The following SLC8A1 variants were observed in gnomAD, a reference collection of about 807,000 sequenced individuals.
The protein encoded by SLC8A1 is sodium/calcium exchanger 1.
Under a neutral mutation model 68.3 loss-of-function variants are expected in SLC8A1, and 18 were observed. The ratio of observed to expected loss-of-function variants is 0.26; its 90% CI spans 0.18 to 0.39. SLC8A1 has a LOEUF of 0.39. Among genes scored for constraint, SLC8A1 ranks in the 10% least tolerant of loss-of-function variants. The probability of loss-of-function intolerance (pLI) is 1.00; values close to 1 mark genes in which losing one functional copy is unlikely to be tolerated. For synonymous variants in SLC8A1, 475 were observed against 415.5 expected (o/e 1.14, Z -1.74); for missense variants, 985 against 1,156.7 (o/e 0.85, Z 2.15).
Position 40,359,967 on chromosome 2 carries a change from G to A in SLC8A1, c.1808+68506C>T, listed in dbSNP as rs7598447. Among the ~76,000 whole-genome samples the A allele has an allele frequency of 2.0e-4, 31 of 151,508 alleles. 1 individual carries two copies. The highest frequency in any genetic ancestry group is 5.8e-4 in the East Asian group (3 of 5,166). ...AAAAAACAGATACATAATGAGTAAC[G>A]GCTGTGCAAGAGTCTGTGGTAGGGC... is the stretch of plus-strand genomic sequence containing the variant. On this transcript the variant is annotated intron_variant, in intron 2 of 7. Coordinates refer to ENST00000406785, the Ensembl canonical transcript of SLC8A1.
At chr2:40,398,563 A>C (rs1259354779) in intron 2 of SLC8A1, among the ~76,000 whole-genome samples, 1 of 152,190 alleles carries the variant, frequency 6.6e-6, no homozygotes, top group Non-Finnish European at 1.5e-5. Flanking sequence ...ATTTTCAAAT[A>C]AATTTCCTAC....
intron 2 of SLC8A1, among the ~76,000 whole-genome samples, chr2:40,227,419 G>A (rs2059120741): frequency 6.6e-6 from 1 of 152,098 alleles, no homozygotes; most frequent in South Asian, 2.1e-4. Flanking sequence ...CCTTTGCAGG[G>A]ACACGGGATA....
chr2:40,326,075 G>A (rs866533904), intron 2 of SLC8A1, among the ~76,000 whole-genome samples: 10 of 152,072 alleles, frequency 6.6e-5, no homozygotes, highest in African/African-American at 2.2e-4. Context: ...CAGCAGCTGT[G>A]CAATCTGTAC....
chr2:40,371,253 T>C (rs1304479028), intron 2 of SLC8A1, among the ~76,000 whole-genome samples: 1 of 152,056 alleles, frequency 6.6e-6, no homozygotes, highest in Non-Finnish European at 1.5e-5. Context: ...GTTAAGATTT[T>C]GATAAAGTAG....
chr2:40,304,617 G>C (rs1244670610), intron 2 of SLC8A1, among the ~76,000 whole-genome samples: 2 of 152,032 alleles, frequency 1.3e-5, no homozygotes, highest in East Asian at 3.9e-4. Flanking sequence ...AGCGCGGTTT[G>C]GCATCCTCTT....
chr2:40,398,520 A>G (rs1010840818), intron 2 of SLC8A1, among the ~76,000 whole-genome samples: 25 of 152,236 alleles, frequency 1.6e-4, no homozygotes, highest in African/African-American at 5.5e-4. Flanking sequence ...AATAATATCC[A>G]CTATCATACC....
chr2:40,124,113 C>A (rs1449125698), intron 7 of SLC8A1, among the ~76,000 whole-genome samples: 1 of 152,194 alleles, frequency 6.6e-6, no homozygotes, highest in East Asian at 1.9e-4. Context: ...CTTGCTAGAG[C>A]TAGCTGAGAA....
intron 7 of SLC8A1, among the ~76,000 whole-genome samples, chr2:40,130,800 C>T (rs1211319436): frequency 6.6e-6 from 1 of 152,196 alleles, no homozygotes; most frequent in Non-Finnish European, 1.5e-5. Context: ...CCTCTTGACA[C>T]TGGCTATCTG....
chr2:40,115,027 G>A (rs1407851797), exon 8 of SLC8A1: 8 of 286,196 alleles, frequency 2.8e-5, no homozygotes, highest in Non-Finnish European at 5.1e-5. Flanking sequence ...CTTCTAGACT[G>A]AGCTGCAAAG....
At chr2:40,271,315 CAA>C (rs1339499179) in intron 2 of SLC8A1, among the ~76,000 whole-genome samples, 1 of 152,108 alleles carries the variant, frequency 6.6e-6, no homozygotes, top group Non-Finnish European at 1.5e-5. Context: ...TGCTGTTTCT[CAA>C]ACTCTCCAAA....
intron 2 of SLC8A1, among the ~76,000 whole-genome samples, chr2:40,421,350 A>T (rs79191056): frequency 6.6e-6 from 1 of 152,172 alleles, no homozygotes; most frequent in Admixed American, 6.5e-5. Context: ...CAGAGAGCTC[A>T]AATTTCCAAG....
intron 1 of SLC8A1, among the ~76,000 whole-genome samples, 177 bp downstream of exon 1, chr2:40,451,727 A>ACACAC (rs1010251446): frequency 2.1e-5 from 3 of 140,676 alleles, no homozygotes; most frequent in Non-Finnish European, 4.6e-5. Flanking sequence ...GCAGGCGCGC[A>ACACAC]CACACCACAT....
chr2:40,316,728 A>G (rs62150815), intron 2 of SLC8A1, among the ~76,000 whole-genome samples: 1,695 of 152,078 alleles, frequency 0.011, 16 homozygotes, highest in Non-Finnish European at 0.019. Context: ...CTTGATTTAT[A>G]TCAGGGCCCT....
intron 2 of SLC8A1, among the ~76,000 whole-genome samples, chr2:40,268,213 G>C (rs1476430729): frequency 6.6e-6 from 1 of 152,080 alleles, no homozygotes; most frequent in East Asian, 1.9e-4. Flanking sequence ...AGTGTCCTTT[G>C]AGTGTAGTAC....
In SLC8A1 at chr2:40,213,847, G is replaced by A. The variant is rs985146308; in HGVS notation, c.1809-35992C>T. ...ACACTGGGGATAATTCATCAAGCTT[G>A]CTTTGGGTGTTCCAAATTTGCAAGC... On this transcript the variant is annotated intron_variant, in intron 2 of 7. Transcript: ENST00000406785. Among the ~76,000 whole-genome samples the A allele has an allele frequency of 3.9e-5, 6 of 152,198 alleles. No individual in the cohort carries two copies. The East Asian group carries it at 1.2e-3, about 29-fold the overall frequency.
intron 2 of SLC8A1, among the ~76,000 whole-genome samples, chr2:40,426,815 G>C (rs527679147): frequency 2.0e-5 from 3 of 151,782 alleles, no homozygotes; most frequent in Admixed American, 1.3e-4. Flanking sequence ...ACTACAGAAG[G>C]GTTCAATAAT....
At chr2:40,417,157 C>T (rs1225373065) in intron 2 of SLC8A1, among the ~76,000 whole-genome samples, 1 of 151,982 alleles carries the variant, frequency 6.6e-6, no homozygotes, top group East Asian at 1.9e-4. Context: ...GTTATTTTTA[C>T]TTATTTTTTT....
chr2:40,247,739 A>T (rs188355400), intron 2 of SLC8A1, among the ~76,000 whole-genome samples: 1 of 152,356 alleles, frequency 6.6e-6, no homozygotes, highest in African/African-American at 2.4e-5. Context: ...TTACAAGAGG[A>T]AAGGGACTTA....
chr2:40,137,537 C>T (rs964157715), intron 7 of SLC8A1, among the ~76,000 whole-genome samples: 1 of 152,132 alleles, frequency 6.6e-6, no homozygotes, highest in Non-Finnish European at 1.5e-5. Flanking sequence ...AACATATTTT[C>T]CTATAATTAC....
Sources: gnomAD v4.1 joint callset for allele counts (sites outside exome capture counted in the v4.1 genomes callset) on GRCh38, gnomAD v4.1.1 for gene constraint, MANE v1.5 for transcripts, NCBI Gene and HGNC (gene_info 2026-07-23, HGNC 2026-07-21) for gene names.